Variants in SPATS2 observed in about 807,000 individuals in gnomAD.
The protein encoded by SPATS2 is spermatogenesis-associated serine-rich protein 2.
Under a neutral mutation model 63.7 loss-of-function variants are expected in SPATS2, and 38 were observed. That is an observed-to-expected ratio of 0.60 (90% CI 0.46 to 0.78). The LOEUF (loss-of-function observed/expected upper bound fraction) is 0.78, where lower values mean the gene tolerates loss of function less well. Among genes scored for constraint, SPATS2 ranks in the 30% least tolerant of loss-of-function variants. The pLI is 0.00. For synonymous variants in SPATS2, 207 were observed against 232.9 expected (o/e 0.89, Z 1.01); for missense variants, 588 against 666.2 (o/e 0.88, Z 1.29).
intron 2 of SPATS2, among the ~76,000 whole-genome samples, chr12:49,397,833 TAAAAAAAAAAA>T (rs989085737): frequency 2.4e-5 from 2 of 82,336 alleles, no homozygotes; most frequent in East Asian, 3.2e-4. Flanking sequence ...CTTAGCTCTT[TAAAAAAAAAAA>T]AAAAAAAAAA....
At chr12:49,443,715 G>A (rs575370224) in intron 2 of SPATS2, among the ~76,000 whole-genome samples, 20 of 152,178 alleles carry the variant, frequency 1.3e-4, no homozygotes, top group Admixed American at 2.6e-4. Flanking sequence ...AAGTCCAGTT[G>A]TCCCAATACT....
chr12:49,512,888 G>T (rs1946775504), intron 9 of SPATS2: 2 of 1,288,938 alleles, frequency 1.6e-6, no homozygotes, highest in African/African-American at 3.0e-5. Context: ...AGAGTTCTTG[G>T]AGCAAAATAT....
intron 1 of SPATS2, 105 bp downstream of exon 1, chr12:49,367,692 C>CG (rs1262976293): frequency 1.2e-4 from 1 of 8,290 alleles, no homozygotes; most frequent in Non-Finnish European, 2.2e-4. Flanking sequence ...TAGTTGGGGG[C>CG]GGGGGGACGG....
chr12:49,430,042 A>G (rs1945155061), intron 2 of SPATS2, among the ~76,000 whole-genome samples: 1 of 150,726 alleles, frequency 6.6e-6, no homozygotes. Context: ...CAGCCTCCCA[A>G]AGTGCTGGGA....
At chr12:49,417,162 T>C (rs1944902930) in intron 2 of SPATS2, among the ~76,000 whole-genome samples, 1 of 152,228 alleles carries the variant, frequency 6.6e-6, no homozygotes, top group Non-Finnish European at 1.5e-5. Context: ...TTTCCTTTTG[T>C]ATCAGAGTAG....
At chr12:49,450,486 C>T (rs1450749731) in intron 2 of SPATS2, among the ~76,000 whole-genome samples, 6 of 151,930 alleles carry the variant, frequency 3.9e-5, no homozygotes, top group African/African-American at 7.3e-5. Flanking sequence ...CCTCATGATC[C>T]GCCCGCCTCG....
chr12:49,468,598 C>G (rs1322263689), intron 3 of SPATS2, among the ~76,000 whole-genome samples: 3 of 152,160 alleles, frequency 2.0e-5, no homozygotes, highest in Middle Eastern at 3.4e-3. Context: ...CATCTCACCC[C>G]CTCAAGTAGC....
At chr12:49,460,451 A>G (rs956953799) in intron 2 of SPATS2, among the ~76,000 whole-genome samples, 1 of 151,020 alleles carries the variant, frequency 6.6e-6, no homozygotes. Flanking sequence ...GCAAGACTTC[A>G]TCTCAAAAAA....
chr12:49,509,908 C>T (rs1416014152), intron 9 of SPATS2, among the ~76,000 whole-genome samples: 4 of 151,270 alleles, frequency 2.6e-5, no homozygotes, highest in Non-Finnish European at 4.4e-5. Context: ...GAAAAAAAGG[C>T]GTCTGCATTG....
chr12:49,373,808 G>C (rs113437879), intron 2 of SPATS2, among the ~76,000 whole-genome samples: 13,997 of 152,010 alleles, frequency 0.092, 749 homozygotes, highest in African/African-American at 0.14. Flanking sequence ...ACCTGTAGTC[G>C]CAGCTACTCG....
intron 2 of SPATS2, among the ~76,000 whole-genome samples, chr12:49,402,598 C>T (rs1161193402): frequency 1.3e-5 from 2 of 152,032 alleles, no homozygotes; most frequent in East Asian, 3.8e-4. Flanking sequence ...CTGAGAGGTG[C>T]GAGCATCAGA....
intron 6 of SPATS2, 127 bp downstream of exon 6, chr12:49,490,858 T>TC (rs1412420072): frequency 2.3e-5 from 20 of 886,658 alleles, no homozygotes; most frequent in Admixed American, 4.8e-5. Flanking sequence ...AAAAACATCT[T>TC]TGGCCAGGTG....
At chr12:49,379,550 CAAAAA>C (rs565753035) in intron 2 of SPATS2, among the ~76,000 whole-genome samples, 2 of 45,034 alleles carry the variant, frequency 4.4e-5, no homozygotes, top group Non-Finnish European at 8.8e-5. Context: ...GAATCCGTCT[CAAAAA>C]AAAAAAAAAA....
chr12:49,444,272 C>T (rs1401682665), intron 2 of SPATS2, among the ~76,000 whole-genome samples: 1 of 151,392 alleles, frequency 6.6e-6, no homozygotes, highest in Non-Finnish European at 1.5e-5. Flanking sequence ...GGTGCAGTGG[C>T]ATGATCATAG....
intron 2 of SPATS2, among the ~76,000 whole-genome samples, chr12:49,438,552 A>G (rs1450182106): frequency 6.6e-6 from 1 of 152,186 alleles, no homozygotes; most frequent in Non-Finnish European, 1.5e-5. Context: ...CCCATGAGCA[A>G]TATTTGAGAA....
At chr12:49,384,162 G>C (rs1240059572) in intron 2 of SPATS2, among the ~76,000 whole-genome samples, 2 of 152,088 alleles carry the variant, frequency 1.3e-5, no homozygotes, top group Non-Finnish European at 2.9e-5. Context: ...ATGGGCTCTT[G>C]CTGTATATTG....
At chr12:49,487,075 A>G (rs1480218218) in intron 4 of SPATS2, among the ~76,000 whole-genome samples, 1 of 152,212 alleles carries the variant, frequency 6.6e-6, no homozygotes, top group Non-Finnish European at 1.5e-5. Flanking sequence ...AGAACCCTAC[A>G]GTATAATATT....
chr12:49,401,602 A>G (rs1031229927), intron 2 of SPATS2, among the ~76,000 whole-genome samples: 1 of 152,202 alleles, frequency 6.6e-6, no homozygotes, highest in African/African-American at 2.4e-5. Context: ...TCTTACCAAA[A>G]AGTACCATTA....
intron 5 of SPATS2, 41 bp downstream of exon 5, chr12:49,489,614 C>G (rs983082033): frequency 3.9e-6 from 6 of 1,543,718 alleles, no homozygotes; most frequent in Non-Finnish European, 5.3e-6. Context: ...TATATTTGCT[C>G]AAATAGAATT....
Sources: gnomAD v4.1 joint callset for allele counts (sites outside exome capture counted in the v4.1 genomes callset) on GRCh38, gnomAD v4.1.1 for gene constraint, MANE v1.5 for transcripts, NCBI Gene and HGNC (gene_info 2026-07-23, HGNC 2026-07-21) for gene names.